The following KCNH1 variants were observed in gnomAD, a reference collection of about 807,000 sequenced individuals.
KCNH1 encodes voltage-gated delayed rectifier potassium channel KCNH1.
In KCNH1, 27 loss-of-function variants were observed where a neutral mutation model predicts 69.2. The observed-to-expected ratio is 0.39, with a 90% CI of 0.29 to 0.54. The LOEUF is 0.54. Among genes scored for constraint, KCNH1 ranks in the 20% least tolerant of loss-of-function variants. KCNH1 has a pLI of 0.68. For missense variants in KCNH1, 798 were observed against 1,261.6 expected (o/e 0.63, Z 5.57); for synonymous variants, 456 against 487.7 (o/e 0.93, Z 0.86).
chr1:211,099,613 T>G (rs1460788650), intron 3 of KCNH1, among the ~76,000 whole-genome samples: 1 of 152,208 alleles, frequency 6.6e-6, no homozygotes, highest in East Asian at 1.9e-4. Context: ...TCCCTGGCTC[T>G]GACGCCCTCA....
At chr1:210,806,418 T>C (rs529895451) in intron 7 of KCNH1, among the ~76,000 whole-genome samples, 1 of 152,230 alleles carries the variant, frequency 6.6e-6, no homozygotes, top group African/African-American at 2.4e-5. Flanking sequence ...TGTTGAGTTC[T>C]AAGAACCCTT....
chr1:211,001,763 C>A (rs757530412), intron 6 of KCNH1, among the ~76,000 whole-genome samples: 63 of 152,190 alleles, frequency 4.1e-4, no homozygotes, highest in Non-Finnish European at 8.5e-4. Flanking sequence ...TGGAACCAAC[C>A]CAAATGTCCA....
chr1:210,996,574 A>T (rs1261776941), intron 6 of KCNH1, among the ~76,000 whole-genome samples: 1 of 152,184 alleles, frequency 6.6e-6, no homozygotes, highest in African/African-American at 2.4e-5. Context: ...ACAGACAAAC[A>T]AAAAGACAGC....
chr1:211,079,569 T>G (rs11801714), intron 5 of KCNH1, among the ~76,000 whole-genome samples: 1,753 of 152,294 alleles, frequency 0.012, 44 homozygotes, highest in African/African-American at 0.04. Flanking sequence ...AAATCCTCAG[T>G]AAAATACGGG....
intron 1 of KCNH1, among the ~76,000 whole-genome samples, chr1:211,115,995 G>A (rs1338349): frequency 0.25 from 37,381 of 151,520 alleles, 5,309 homozygotes; most frequent in African/African-American, 0.38. Flanking sequence ...AATTAGCCGG[G>A]CACAATGGCA....
chr1:210,796,147 T>G (rs1244938934), intron 9 of KCNH1, among the ~76,000 whole-genome samples: 1 of 111,010 alleles, frequency 9.0e-6, no homozygotes, highest in Non-Finnish European at 1.9e-5. Context: ...AGAGCAAGAT[T>G]CCGTCTCAAA....
intron 10 of KCNH1, among the ~76,000 whole-genome samples, chr1:210,694,120 C>G (rs1208104333): frequency 1.3e-5 from 2 of 152,184 alleles, no homozygotes; most frequent in African/African-American, 2.4e-5. Flanking sequence ...CCTCAGGACT[C>G]CTGTCTTTGC....
At chr1:210,935,349 G>A (rs1687759024) in intron 6 of KCNH1, among the ~76,000 whole-genome samples, 1 of 152,056 alleles carries the variant, frequency 6.6e-6, no homozygotes, top group Admixed American at 6.6e-5. Context: ...AAAAATAACG[G>A]TTACTAGAGA....
chr1:210,977,870 G>A (rs1178542117), intron 6 of KCNH1, among the ~76,000 whole-genome samples: 1 of 152,082 alleles, frequency 6.6e-6, no homozygotes, highest in African/African-American at 2.4e-5. Flanking sequence ...ATCAGGGTAA[G>A]TAGCATACCT....
intron 5 of KCNH1, among the ~76,000 whole-genome samples, chr1:211,032,486 G>A (rs1292281269): frequency 1.3e-5 from 2 of 152,142 alleles, no homozygotes; most frequent in East Asian, 1.9e-4. Context: ...AAAGCTGGAG[G>A]CATCACGCTA....
At chr1:210,818,152 T>G (rs1336585758) in intron 7 of KCNH1, among the ~76,000 whole-genome samples, 1 of 152,130 alleles carries the variant, frequency 6.6e-6, no homozygotes, top group Non-Finnish European at 1.5e-5. Context: ...AAACTCCCTT[T>G]GAGCTCTAAT....
intron 7 of KCNH1, among the ~76,000 whole-genome samples, chr1:210,874,352 T>C (rs954623550): frequency 8.5e-5 from 13 of 152,372 alleles, no homozygotes; most frequent in African/African-American, 3.1e-4. Flanking sequence ...TCAAGTTAGA[T>C]ATTTCTATTA....
At chr1:210,960,840 A>G (rs1688278831) in intron 6 of KCNH1, among the ~76,000 whole-genome samples, 1 of 152,178 alleles carries the variant, frequency 6.6e-6, no homozygotes, top group Admixed American at 6.6e-5. Context: ...TGTTTTCTAA[A>G]ATGATTATTC....
chr1:211,114,607 A>G (rs1364789423), intron 1 of KCNH1, among the ~76,000 whole-genome samples: 2 of 152,234 alleles, frequency 1.3e-5, no homozygotes, highest in Non-Finnish European at 2.9e-5. Flanking sequence ...AACTTTGCTT[A>G]GCCAAGGTTT....
chr1:210,960,666 T>C (rs1010804325), intron 6 of KCNH1, among the ~76,000 whole-genome samples: 34 of 152,188 alleles, frequency 2.2e-4, no homozygotes, highest in Non-Finnish European at 2.9e-5. Context: ...CATTACCTAT[T>C]GAGGATGTTT....
chr1:210,859,684 A>G, intron 7 of KCNH1: 3 of 1,278,268 alleles, frequency 2.3e-6, no homozygotes, highest in South Asian at 1.2e-5. Flanking sequence ...TCCATTAAAT[A>G]AAAGGATAAA....
At chr1:210,913,970 C>G (rs1370510743) in intron 7 of KCNH1, among the ~76,000 whole-genome samples, 2 of 152,024 alleles carry the variant, frequency 1.3e-5, no homozygotes, top group African/African-American at 2.4e-5. Context: ...CCTTTTCTTT[C>G]TACTTTCTGG....
chr1:210,828,274 G>C (rs1438564681), intron 7 of KCNH1, among the ~76,000 whole-genome samples: 1 of 152,052 alleles, frequency 6.6e-6, no homozygotes, highest in East Asian at 1.9e-4. Context: ...CTTTATCAAG[G>C]GTCCTTTACT....
intron 7 of KCNH1, among the ~76,000 whole-genome samples, chr1:210,841,498 TCTACTC>T (rs1165765577): frequency 2.0e-5 from 3 of 152,166 alleles, no homozygotes; most frequent in Non-Finnish European, 4.4e-5. Context: ...AATGATAACT[TCTACTC>T]CTATATAGCT....
Sources: gnomAD v4.1 joint callset for allele counts (sites outside exome capture counted in the v4.1 genomes callset) on GRCh38, gnomAD v4.1.1 for gene constraint, MANE v1.5 for transcripts, NCBI Gene and HGNC (gene_info 2026-07-23, HGNC 2026-07-21) for gene names.